COL23A1: variants seen among roughly 807,000 people sequenced by gnomAD.
The protein encoded by COL23A1 is collagen alpha-1(XXIII) chain.
Under a neutral mutation model 99.3 loss-of-function variants are expected in COL23A1, and 97 were observed. That is an observed-to-expected ratio of 0.98 (90% confidence interval 0.83 to 1.16). The LOEUF (loss-of-function observed/expected upper bound fraction) is 1.16, where lower values mean the gene tolerates loss of function less well. COL23A1 is among the 50% of genes most tolerant of loss of function. COL23A1 has a pLI of 0.00. For missense variants in COL23A1, 762 were observed against 757.4 expected, an observed-to-expected ratio of 1.01 and a Z score of -0.07; for synonymous variants, 320 against 308.2, an observed-to-expected ratio of 1.04 and a Z score of -0.40.
At chr5:178,514,319 C>T (rs1452188436) in intron 2 of COL23A1, among the ~76,000 whole-genome samples, 5 of 152,236 alleles carry the variant, frequency 3.3e-5, no homozygotes, top group South Asian at 2.1e-4. Flanking sequence ...CTTCCATCAA[C>T]GGACACTTGG....
At chr5:178,278,165 C>T (rs1218607732) in intron 5 of COL23A1, among the ~76,000 whole-genome samples, 1 of 152,202 alleles carries the variant, frequency 6.6e-6, no homozygotes, top group Non-Finnish European at 1.5e-5. Context: ...AGGGAGACAG[C>T]GTGACCAGGA....
intron 5 of COL23A1, 125 bp downstream of exon 5, chr5:178,288,199 A>G: frequency 1.1e-6 from 1 of 916,860 alleles, no homozygotes. Context: ...GCCTCCACAG[A>G]AAGACCACGG....
chr5:178,475,677 A>G (rs898697739), intron 2 of COL23A1, among the ~76,000 whole-genome samples: 9 of 152,214 alleles, frequency 5.9e-5, no homozygotes, highest in Non-Finnish European at 1.0e-4. Flanking sequence ...TCACAAGTCT[A>G]TGCTCAGGGT....
chr5:178,345,642 G>A (rs6889778), intron 2 of COL23A1, among the ~76,000 whole-genome samples: 9,720 of 150,450 alleles, frequency 0.065, 586 homozygotes, highest in African/African-American at 0.15. Context: ...TCAGCCTCCC[G>A]AGTAGCTGGG....
At chr5:178,245,534 TCACC>T (rs1764640685) in intron 25 of COL23A1, among the ~76,000 whole-genome samples, 4 of 76,194 alleles carry the variant, frequency 5.2e-5, no homozygotes, top group Non-Finnish European at 1.0e-4. Flanking sequence ...CACTCATCCA[TCACC>T]CATCCATCCA....
At position 178,308,717 on chromosome 5, in the gene COL23A1, G is replaced by A. The variant is rs1262101830; in HGVS notation, c.362-1798C>T. 6.6e-6 allele frequency among the ~76,000 whole-genome samples: 1 copy of A among 152,168 alleles called. No homozygotes were observed. The highest frequency in any genetic ancestry group is 2.4e-5 in the African/African-American group (1 of 41,438). On this transcript the variant is annotated intron_variant, in intron 2 of 28. Coordinates refer to ENST00000390654, the MANE Select transcript of COL23A1 (RefSeq NM_173465.4). This position sits in a 1 kb window ranked among gnomAD's most constrained non-coding sequence, Gnocchi z 5.1. ...AACACCTGCCTTGGTCTCCTCCCCA[G>A]TGCCCTGTGCGGGGCTGATGGTGCC...
chr5:178,264,026 C>T (rs753305260), intron 8 of COL23A1, among the ~76,000 whole-genome samples: 1 of 152,098 alleles, frequency 6.6e-6, no homozygotes, highest in African/African-American at 2.4e-5. Flanking sequence ...AGATGGAGAG[C>T]CCATAATGGT....
At chr5:178,406,719 C>T (rs1001191681) in intron 2 of COL23A1, among the ~76,000 whole-genome samples, 14 of 151,984 alleles carry the variant, frequency 9.2e-5, no homozygotes, top group African/African-American at 2.7e-4. Context: ...TGAGTCACCG[C>T]GCCTGGCTAC....
Position 178,313,078 on chromosome 5 carries a change from A to G in COL23A1, c.362-6159T>C, listed in dbSNP as rs1235133032. On this transcript the variant is annotated intron_variant, in intron 2 of 28. Coordinates refer to ENST00000390654, the MANE Select transcript of COL23A1 (RefSeq NM_173465.4). This position sits in a 1 kb window ranked among gnomAD's most constrained non-coding sequence, Gnocchi z 4.2. Reference sequence around the variant, plus strand: ...GCCTGGAGGACGTCACGCGATGGGAAGTAAGCCAGACACAGAAAGACAAAT... The same window carrying G: ...GCCTGGAGGACGTCACGCGATGGGAGGTAAGCCAGACACAGAAAGACAAAT... 1.3e-5 allele frequency among the ~76,000 whole-genome samples: 2 copies of G among 152,194 alleles called. No homozygotes were observed. The highest frequency in any genetic ancestry group is 2.9e-5 in the Non-Finnish European group (2 of 68,036).
At chr5:178,292,636 T>G (rs553527921) in intron 3 of COL23A1, among the ~76,000 whole-genome samples, 10 of 152,282 alleles carry the variant, frequency 6.6e-5, no homozygotes, top group African/African-American at 1.9e-4. Context: ...TACTGCATGC[T>G]GCAGGGGAGA....
In COL23A1 at chr5:178,274,864, C is replaced by T. The variant is rs1200211507; in HGVS notation, c.442-4501G>A. On this transcript the variant is annotated intron_variant, in intron 5 of 28. Transcript: ENST00000390654. ...CTCGCTCCCCTGCCTGATCAAAGCCCTTGAATCCACCAGAGGTTTTCAACG... is the reference window on the plus strand; with the variant it reads ...CTCGCTCCCCTGCCTGATCAAAGCCTTTGAATCCACCAGAGGTTTTCAACG... Among the ~76,000 whole-genome samples, 11 of 152,348 alleles carry T rather than the reference C, an allele frequency of 7.2e-5. No individual in the cohort carries two copies. In the East Asian group the frequency reaches 1.5e-3, roughly 21 times the overall value.
intron 19 of COL23A1, among the ~76,000 whole-genome samples, chr5:178,248,690 C>G (rs1050712563): frequency 1.3e-5 from 2 of 152,208 alleles, no homozygotes; most frequent in African/African-American, 4.8e-5. Flanking sequence ...GTCAGCCCAG[C>G]CACGCATGCC....
Position 178,476,756 on chromosome 5 carries a change from A to G in COL23A1, c.361+83926T>C, listed in dbSNP as rs1473476354. 2.6e-5 allele frequency among the ~76,000 whole-genome samples: 4 copies of G among 152,244 alleles called. No homozygotes were observed. In the East Asian group the frequency reaches 7.7e-4, roughly 29 times the overall value. On this transcript the variant is annotated intron_variant, in intron 2 of 28. Coordinates refer to ENST00000390654, the MANE Select transcript of COL23A1 (RefSeq NM_173465.4). ...CTTTGGCCAGATCAGAGACAGTGCC[A>G]GGGCCCACTGGCTCTGTGCCAGCCA...
At chr5:178,324,916 G>A (rs2127634368) in intron 2 of COL23A1, among the ~76,000 whole-genome samples, 1 of 152,310 alleles carries the variant, frequency 6.6e-6, no homozygotes, top group East Asian at 1.9e-4. Context: ...CCAGATCCGA[G>A]TGGCAGCAAA....
At chr5:178,411,092 T>C (rs1018366041) in intron 2 of COL23A1, among the ~76,000 whole-genome samples, 3 of 152,260 alleles carry the variant, frequency 2.0e-5, no homozygotes, top group Non-Finnish European at 4.4e-5. Context: ...CACAGTGGAA[T>C]ACCACTTCAC....
chr5:178,328,177 C>T (rs990349481), intron 2 of COL23A1, among the ~76,000 whole-genome samples: 2 of 152,154 alleles, frequency 1.3e-5, no homozygotes, highest in Non-Finnish European at 2.9e-5. Context: ...TCTGCCACGG[C>T]GAATGTCTGG....
chr5:178,560,671 C>A lies in COL23A1; in HGVS notation c.361+11G>T. 1 of 1,610,750 alleles carries A rather than the reference C, an allele frequency of 6.2e-7. No individual in the cohort carries two copies. Among genetic ancestry groups the A allele is most frequent in the Middle Eastern group, 1.7e-4 (1 of 5,862 alleles). On this transcript the variant is annotated intron_variant, in intron 2 of 28. Transcript: ENST00000390654. ...ACGCAGGAGCCAGAAGGGAGCTCAA[C>A]CTTCACTTACCTGGGGGGCAGACAC...
intron 2 of COL23A1, among the ~76,000 whole-genome samples, chr5:178,472,024 G>A (rs2672831): frequency 0.79 from 120,094 of 151,716 alleles, 48,899 homozygotes; most frequent in Non-Finnish European, 0.9. Flanking sequence ...GGGCCTGGTG[G>A]CTCACACCTC....
intron 2 of COL23A1, among the ~76,000 whole-genome samples, chr5:178,378,654 C>T (rs866183906): frequency 1.3e-5 from 2 of 152,110 alleles, no homozygotes; most frequent in Admixed American, 6.5e-5. Flanking sequence ...GGGGTGGGGC[C>T]GGGCAGTTTG....
Sources: gnomAD v4.1 joint callset for allele counts (sites outside exome capture counted in the v4.1 genomes callset) on GRCh38, gnomAD v4.1.1 for gene constraint, Gnocchi (gnomAD v3.1) non-coding constraint, MANE v1.5 for transcripts, NCBI Gene and HGNC (gene_info 2026-07-23, HGNC 2026-07-21) for gene names.